The following MKLN1 variants were observed in gnomAD, a reference collection of about 807,000 sequenced individuals.
MKLN1 encodes muskelin 1.
A neutral mutation model predicts 99.0 loss-of-function variants in MKLN1; 18 were observed. The observed-to-expected ratio is 0.18, with a 90% confidence interval of 0.13 to 0.27. The LOEUF is 0.27. Ranked by LOEUF, MKLN1 falls within the 10% of genes least tolerant of loss-of-function variation. The probability of loss-of-function intolerance (pLI) is 1.00; values close to 1 mark genes in which losing one functional copy is unlikely to be tolerated. For missense variants in MKLN1, 621 were observed against 875.9 expected, an observed-to-expected ratio of 0.71 and a Z score of 3.67; for synonymous variants, 288 against 293.2, an observed-to-expected ratio of 0.98 and a Z score of 0.18.
Position 131,419,522 on chromosome 7 carries a change from A to G in MKLN1, c.847+4812A>G, listed in dbSNP as rs374988932. Reference sequence around the variant, plus strand: ...CTCCCAAAGTGCCAGGATTACATACATGAGCCATCGTGCCTGGCCTCATTA... The same window carrying G: ...CTCCCAAAGTGCCAGGATTACATACGTGAGCCATCGTGCCTGGCCTCATTA... On this transcript the variant is annotated intron_variant, in intron 8 of 17. Transcript: ENST00000352689. Among the ~76,000 whole-genome samples the G allele has an allele frequency of 2.0e-5, 3 of 152,144 alleles. No homozygotes were observed. The East Asian group carries it at 5.8e-4, about 29-fold the overall frequency.
At chr7:131,433,407 T>C (rs901018675) in intron 9 of MKLN1, among the ~76,000 whole-genome samples, 4 of 152,230 alleles carry the variant, frequency 2.6e-5, no homozygotes, top group African/African-American at 9.6e-5. Context: ...GTTAAGGAGA[T>C]GCCCACCAGA....
At chr7:131,471,472 TG>T (rs1351899065) in intron 16 of MKLN1, among the ~76,000 whole-genome samples, 2 of 152,232 alleles carry the variant, frequency 1.3e-5, no homozygotes, top group Non-Finnish European at 2.9e-5. Context: ...TTGCTAAGAT[TG>T]AGAAATCAGT....
chr7:131,236,772 G>T (rs1314812345), intron 3 of MKLN1, among the ~76,000 whole-genome samples: 1 of 151,964 alleles, frequency 6.6e-6, no homozygotes, highest in Admixed American at 6.6e-5. Context: ...ATCACTTGAG[G>T]CCAGGAGTTT....
At chr7:131,158,500 T>C (rs1237267544) in intron 2 of MKLN1, among the ~76,000 whole-genome samples, 3 of 152,210 alleles carry the variant, frequency 2.0e-5, no homozygotes, top group Non-Finnish European at 4.4e-5. Context: ...AGAGTAGGAC[T>C]GAGTGCCATT....
chr7:131,355,582 G>T (rs954026702), intron 1 of MKLN1, among the ~76,000 whole-genome samples: 2 of 146,848 alleles, frequency 1.4e-5, no homozygotes, highest in Non-Finnish European at 3.0e-5. Flanking sequence ...TCTTCTAACT[G>T]CTTTTCGCTT....
chr7:131,160,045 A>G (rs1160763645), intron 2 of MKLN1, among the ~76,000 whole-genome samples: 6 of 152,196 alleles, frequency 3.9e-5, no homozygotes, highest in Non-Finnish European at 8.8e-5. Context: ...CCTAGAAAAA[A>G]AAAACTCCCA....
intron 1 of MKLN1, among the ~76,000 whole-genome samples, chr7:131,334,355 C>A (rs1799189430): frequency 6.6e-6 from 1 of 152,152 alleles, no homozygotes; most frequent in East Asian, 1.9e-4. Context: ...GTTTGGGAAC[C>A]TTACTGGCCA....
chr7:131,130,986 A>C (rs1018058256), intron 1 of MKLN1, among the ~76,000 whole-genome samples: 2 of 149,430 alleles, frequency 1.3e-5, no homozygotes, highest in African/African-American at 4.9e-5. Flanking sequence ...CAGGAAGTTG[A>C]AGCTGCAGTG....
rs771906580 is a variant in MKLN1, at chr7:131,488,622, G to C, written c.*894G>C. The C allele has an allele frequency of 6.6e-6, 1 of 152,556 alleles. No homozygotes were observed. Among genetic ancestry groups the C allele is most frequent in the Non-Finnish European group, 1.5e-5 (1 of 68,008 alleles). The allele number at this position is 152,556 out of a possible 1,614,324, so 9.5% of individuals were successfully genotyped here. On this transcript the variant is annotated 3_prime_UTR_variant, in exon 18 of 18. Transcript: ENST00000352689. The stretch of plus-strand genomic sequence containing the variant: ...CTCTTTCGTCCAGAAGAGCTCTGCA[G>C]AACCAGGGCTCCCGTTTATCTTGTG...
intron 1 of MKLN1, among the ~76,000 whole-genome samples, chr7:131,128,896 ATTT>A (rs59954758): frequency 1.7e-5 from 2 of 120,220 alleles, no homozygotes; most frequent in Middle Eastern, 4.5e-3. Flanking sequence ...CACCTCACCT[ATTT>A]TTTTTTTTTT....
intron 3 of MKLN1, among the ~76,000 whole-genome samples, chr7:131,228,674 C>T (rs1201292640): frequency 6.6e-6 from 1 of 152,188 alleles, no homozygotes; most frequent in Non-Finnish European, 1.5e-5. Context: ...AGTTACATCT[C>T]ATCCTTACCC....
intron 8 of MKLN1, among the ~76,000 whole-genome samples, chr7:131,426,146 A>G (rs1370439363): frequency 1.3e-5 from 2 of 152,212 alleles, no homozygotes; most frequent in African/African-American, 4.8e-5. Context: ...TTGCTCAGCT[A>G]TCAATGAGGC....
At chr7:131,218,377 A>G (rs1341200241) in intron 3 of MKLN1, among the ~76,000 whole-genome samples, 1 of 152,200 alleles carries the variant, frequency 6.6e-6, no homozygotes, top group East Asian at 1.9e-4. Flanking sequence ...CTCTGTCACA[A>G]TTCTAACCTT....
chr7:131,411,502 C>A, intron 7 of MKLN1, 119 bp downstream of exon 7: 1 of 707,552 alleles, frequency 1.4e-6, no homozygotes, highest in Non-Finnish European at 2.5e-6. Context: ...TGGCCAGTTG[C>A]AGTGGCTCAT....
chr7:131,310,058 G>A (rs1798539156), intron 3 of MKLN1: 1 of 152,198 alleles, frequency 6.6e-6, no homozygotes, highest in Non-Finnish European at 1.5e-5. Flanking sequence ...AGAAGAGGCA[G>A]TTCCTGAGTT....
intron 3 of MKLN1, among the ~76,000 whole-genome samples, chr7:131,301,070 G>A (rs774324617): frequency 2.8e-4 from 42 of 152,144 alleles, no homozygotes; most frequent in Admixed American, 1.4e-3. Flanking sequence ...TTTGAGGAAC[G>A]TACAAAAATG....
At chr7:131,314,803 T>G (rs1033556771) in intron 3 of MKLN1, among the ~76,000 whole-genome samples, 1 of 152,038 alleles carries the variant, frequency 6.6e-6, no homozygotes, top group African/African-American at 2.4e-5. Context: ...AGGGTGTTGC[T>G]CTGTCACACA....
chr7:131,327,834 C>G, upstream of MKLN1: 1 of 1,587,076 alleles, frequency 6.3e-7, no homozygotes, highest in Non-Finnish European at 8.5e-7. Flanking sequence ...TAAGAGCAGG[C>G]CACGCCCCCT....
intron 1 of MKLN1, among the ~76,000 whole-genome samples, chr7:131,137,449 T>A (rs1473340625): frequency 6.6e-6 from 1 of 152,190 alleles, no homozygotes; most frequent in Non-Finnish European, 1.5e-5. Context: ...TTGTACTGTG[T>A]GTGGCACAAG....
Sources: allele counts gnomAD v4.1 joint callset (sites outside exome capture counted in the v4.1 genomes callset), GRCh38; gene constraint gnomAD v4.1.1; transcripts MANE v1.5; gene names NCBI Gene and HGNC (gene_info 2026-07-23, HGNC 2026-07-21).